IQCH: variants seen among roughly 807,000 people sequenced by gnomAD.
IQCH encodes IQ domain-containing protein H.
Under a neutral mutation model 117.0 loss-of-function variants are expected in IQCH, and 98 were observed. That is an observed-to-expected ratio of 0.84 (90% CI 0.71 to 0.99). IQCH has a LOEUF of 0.99. IQCH is among the 50% of genes least tolerant of loss of function. The pLI is 0.00. For synonymous variants in IQCH, 412 were observed against 448.2 expected, an observed-to-expected ratio of 0.92 and a Z score of 1.02; for missense variants, 1,102 against 1,243.8, an observed-to-expected ratio of 0.89 and a Z score of 1.72.
intron 3 of IQCH, among the ~76,000 whole-genome samples, chr15:67,271,278 G>T (rs1370890904): frequency 6.6e-6 from 1 of 152,154 alleles, no homozygotes; most frequent in East Asian, 1.9e-4. Context: ...TATGGTGAAT[G>T]ATCTTTTAAA....
At chr15:67,334,246 CAAA>C in intron 4 of IQCH, among the ~76,000 whole-genome samples, 1 of 151,956 alleles carries the variant, frequency 6.6e-6, no homozygotes, top group South Asian at 2.1e-4. Flanking sequence ...AAAAACATGA[CAAA>C]AAGAAGAAGC....
At position 67,370,292 on chromosome 15, in the gene IQCH, C is replaced by T. The variant is rs543521220; in HGVS notation, c.754-1819C>T. On this transcript the variant is annotated intron_variant, in intron 8 of 20. Transcript: ENST00000335894. This position sits in a 1 kb window ranked among gnomAD's most constrained non-coding sequence, Gnocchi z 5.6. ...CAAGATTCTCTGGCAAATCTCCCATCGATAGCTTTGCTTCTTATAGGTCTC... is the reference window on the plus strand; with the variant it reads ...CAAGATTCTCTGGCAAATCTCCCATTGATAGCTTTGCTTCTTATAGGTCTC... Among the ~76,000 whole-genome samples, 2 of 152,288 alleles carry T rather than the reference C, an allele frequency of 1.3e-5. No homozygotes were observed. The highest frequency in any genetic ancestry group is 6.5e-5 in the Admixed American group (1 of 15,296).
In IQCH at chr15:67,434,788, T is replaced by TTC. The variant is rs199672773; in HGVS notation, c.2505+13212_2505+13213insCT. Among the ~76,000 whole-genome samples, 298 of 147,564 alleles carry TTC rather than the reference T, an allele frequency of 2.0e-3. 9 individuals are homozygous for TTC. The East Asian group carries it at 0.054, about 27-fold the overall frequency. On this transcript the variant is annotated intron_variant, in intron 16 of 20. Transcript: ENST00000335894. ...CTTTTGTCTTTTCTTTTCTTTTCTT[T>TTC]TTTTTTTTTTTTTGAGACGGAGTCT... is the stretch of plus-strand genomic sequence containing the variant.
chr15:67,395,537 A>C lies in IQCH; in HGVS notation c.1879A>C (p.Ile627Leu). The change falls in exon 13 of 21, where the codon ATA becomes CTA. Residue 627 changes from isoleucine (I) to leucine (L), a missense_variant. Transcript: ENST00000335894. This position sits in a 1 kb window ranked among gnomAD's most constrained non-coding sequence, Gnocchi z 4.0. The part of the protein sequence containing the change: ...DSANVAVPPG[I>L]YDIYSQQQMI... ...TGCCAATGTGGCAGTTCCTCCTGGA[A>C]TATATGATATTTATAGTCAGCAACA... The C allele has an allele frequency of 6.2e-7, 1 of 1,613,992 alleles. No individual in the cohort carries two copies. The highest frequency in any genetic ancestry group is 1.3e-5 in the African/African-American group (1 of 75,028).
In IQCH at chr15:67,476,766, T is replaced by A. The variant is rs532812586; in HGVS notation, c.2799+948T>A. Among the ~76,000 whole-genome samples, 15 of 152,218 alleles carry A rather than the reference T, an allele frequency of 9.9e-5. No individual in the cohort carries two copies. Among genetic ancestry groups the A allele is most frequent in the Admixed American group, 2.0e-4 (3 of 15,284 alleles). On this transcript the variant is annotated intron_variant, in intron 18 of 20. Transcript: ENST00000335894. This position sits in a 1 kb window ranked among gnomAD's most constrained non-coding sequence, Gnocchi z 4.1. ...TTCTACTTTGATTCAGATTTTCAAG[T>A]CTCTCACACGCAGGGCCATTCTAAG...
chr15:67,492,791 G>A (rs2083696974), intron 19 of IQCH, among the ~76,000 whole-genome samples: 2 of 152,168 alleles, frequency 1.3e-5, no homozygotes, highest in Admixed American at 1.3e-4. Flanking sequence ...CAGTGCAGGT[G>A]GGTACTCGGG....
At position 67,313,887 on chromosome 15, in the gene IQCH, T is replaced by A. The variant is rs183784207; in HGVS notation, c.388-23088T>A. ...TCATTAGTTATTAAACTTTATTTCC[T>A]CTCCCTTTGGCTATAAAGCAATAGT... On this transcript the variant is annotated intron_variant, in intron 4 of 20. Transcript: ENST00000335894. Among the ~76,000 whole-genome samples the A allele has an allele frequency of 3.3e-5, 5 of 152,306 alleles. No individual in the cohort carries two copies. The East Asian group carries it at 9.6e-4, about 29-fold the overall frequency.
At position 67,370,913 on chromosome 15, in the gene IQCH, T is replaced by C. The variant is rs1408518941; in HGVS notation, c.754-1198T>C. Among the ~76,000 whole-genome samples the C allele has an allele frequency of 1.3e-5, 2 of 148,828 alleles. No individual in the cohort carries two copies. The highest frequency in any genetic ancestry group is 2.5e-5 in the African/African-American group (1 of 40,604). On this transcript the variant is annotated intron_variant, in intron 8 of 20. Coordinates refer to ENST00000335894, the MANE Select transcript of IQCH (RefSeq NM_001031715.3). This position sits in a 1 kb window ranked among gnomAD's most constrained non-coding sequence, Gnocchi z 5.6. ...AAGAAAACGCGTGAATAATCTGATA[T>C]AGTAATACTCAACACAGTGCTGTGG...
chr15:67,451,674 G>A (rs945813694), intron 16 of IQCH, among the ~76,000 whole-genome samples: 1 of 152,192 alleles, frequency 6.6e-6, no homozygotes, highest in African/African-American at 2.4e-5. Context: ...TAGGTGTGGT[G>A]TGGTGCTGAA....
chr15:67,345,013 G>C (rs146702483), intron 6 of IQCH, among the ~76,000 whole-genome samples: 1 of 152,226 alleles, frequency 6.6e-6, no homozygotes, highest in African/African-American at 2.4e-5. Context: ...TTTTGAGATG[G>C]AGTTTCACTC....
chr15:67,256,129 C>T (rs919015818), intron 1 of IQCH, among the ~76,000 whole-genome samples: 4 of 152,160 alleles, frequency 2.6e-5, no homozygotes, highest in African/African-American at 9.7e-5. Context: ...GCTGTGCTCA[C>T]ATCTCCAATT....
chr15:67,448,246 T>G (rs948411458), intron 16 of IQCH, among the ~76,000 whole-genome samples: 1 of 152,110 alleles, frequency 6.6e-6, no homozygotes, highest in African/African-American at 2.4e-5. Context: ...TATTATACTT[T>G]AAGTTTTAGG....
At chr15:67,377,115 C>CAAAAAAAAAAAAAAAAAAA (rs5813442) in intron 10 of IQCH, among the ~76,000 whole-genome samples, 1 of 82,042 alleles carries the variant, frequency 1.2e-5, no homozygotes, top group Non-Finnish European at 2.4e-5. Flanking sequence ...GACTCCATCT[C>CAAAAAAAAAAAAAAAAAAA]AAAAAAAAAA....
At position 67,286,714 on chromosome 15, in the gene IQCH, G is replaced by A. The variant is rs138055229; in HGVS notation, c.387+7202G>A. Among the ~76,000 whole-genome samples the A allele has an allele frequency of 5.5e-4, 84 of 151,966 alleles. 1 individual carries two copies. In the East Asian group the frequency reaches 0.016, roughly 28 times the overall value. On this transcript the variant is annotated intron_variant, in intron 4 of 20. Transcript: ENST00000335894. Reference sequence around the variant, plus strand: ...CACCTCTGCTTCCCAGGTTCAAATGGGAACCTGCCTCAGCCTCCCAAGTAT... The same window carrying A: ...CACCTCTGCTTCCCAGGTTCAAATGAGAACCTGCCTCAGCCTCCCAAGTAT...
chr15:67,357,628 C>G (rs1343411798), intron 7 of IQCH, among the ~76,000 whole-genome samples: 3 of 152,168 alleles, frequency 2.0e-5, no homozygotes, highest in African/African-American at 7.2e-5. Flanking sequence ...CTAAAAAATT[C>G]AATCATGTTG....
intron 4 of IQCH, among the ~76,000 whole-genome samples, chr15:67,294,740 T>C (rs1377717017): frequency 6.6e-6 from 1 of 152,208 alleles, no homozygotes; most frequent in Non-Finnish European, 1.5e-5. Flanking sequence ...ATGCTAGCAA[T>C]TGACTACCTC....
At chr15:67,256,071 C>G (rs1965174475) in intron 1 of IQCH, among the ~76,000 whole-genome samples, 1 of 152,170 alleles carries the variant, frequency 6.6e-6, no homozygotes, top group Admixed American at 6.5e-5. Flanking sequence ...CCATCACCAC[C>G]CTCACATTCA....
intron 4 of IQCH, among the ~76,000 whole-genome samples, chr15:67,280,967 T>TCCCAAGTA (rs1181966712): frequency 6.6e-6 from 1 of 151,984 alleles, no homozygotes; most frequent in African/African-American, 2.4e-5. Flanking sequence ...TGCCTCAGCC[T>TCCCAAGTA]CCCAAGTAGT....
At chr15:67,367,795 G>T (rs2140773664) in intron 8 of IQCH, among the ~76,000 whole-genome samples, 1 of 152,190 alleles carries the variant, frequency 6.6e-6, no homozygotes, top group South Asian at 2.1e-4. Flanking sequence ...GGAAATGGAA[G>T]AGTAGCAAAG....
Sources: gnomAD v4.1 joint callset for allele counts (sites outside exome capture counted in the v4.1 genomes callset) on GRCh38, gnomAD v4.1.1 for gene constraint, Gnocchi (gnomAD v3.1) non-coding constraint, MANE v1.5 for transcripts, NCBI Gene and HGNC (gene_info 2026-07-23, HGNC 2026-07-21) for gene names.